The following TEX14 variants were observed in gnomAD, a reference collection of about 807,000 sequenced individuals.
TEX14 encodes the protein inactive serine/threonine-protein kinase TEX14.
A neutral mutation model predicts 178.6 loss-of-function variants in TEX14; 168 were observed. That is an observed-to-expected ratio of 0.94 (90% confidence interval 0.83 to 1.07). The LOEUF is 1.07. Among genes scored for constraint, TEX14 ranks in the 50% least tolerant of loss-of-function variants. The pLI, the probability that TEX14 is intolerant of heterozygous loss-of-function variation, is 0.00. For synonymous variants in TEX14, 626 were observed against 634.1 expected (o/e 0.99, Z 0.19); for missense variants, 1,730 against 1,753.6 (o/e 0.99, Z 0.24).
At chr17:58,633,708 C>T (rs1349202460) in intron 2 of TEX14, among the ~76,000 whole-genome samples, 1 of 152,102 alleles carries the variant, frequency 6.6e-6, no homozygotes, top group African/African-American at 2.4e-5. Flanking sequence ...GTGGCTCACG[C>T]CTGTAATCCC....
chr17:58,600,256 G>C lies in TEX14; in HGVS notation c.1679-590C>G, dbSNP rs889063690. 2.0e-5 allele frequency among the ~76,000 whole-genome samples: 3 copies of C among 152,152 alleles called. No homozygotes were observed. In the South Asian group the frequency reaches 6.2e-4, roughly 32 times the overall value. ...CAGTAGCCTAGGGCCAGGCGTGGTG[G>C]TTCACGCCTGTAATCCCAACACTTT... On this transcript the variant is annotated intron_variant, in intron 13 of 31. Coordinates refer to ENST00000349033, the MANE Select transcript of TEX14 (RefSeq NM_031272.5).
At chr17:58,684,233 G>A (rs2047553190) in intron 1 of TEX14, among the ~76,000 whole-genome samples, 2 of 151,710 alleles carry the variant, frequency 1.3e-5, no homozygotes, top group Admixed American at 6.6e-5. Context: ...AGGCCTTGGC[G>A]GGTGGATCAC....
intron 14 of TEX14, among the ~76,000 whole-genome samples, chr17:58,595,989 C>T (rs1325866041): frequency 6.6e-6 from 1 of 152,140 alleles, no homozygotes; most frequent in African/African-American, 2.4e-5. Flanking sequence ...TTGAGACCAG[C>T]CTGGCCAATA....
At chr17:58,587,847 A>ACC in intron 16 of TEX14, 49 bp downstream of exon 16, 2 of 621,324 alleles carry the variant, frequency 3.2e-6, no homozygotes, top group Non-Finnish European at 5.9e-6. Flanking sequence ...GCCAGAACCC[A>ACC]CCCCCACCCC....
At chr17:58,585,780 G>C in intron 18 of TEX14, 21 bp downstream of exon 18, 1 of 1,612,666 alleles carries the variant, frequency 6.2e-7, no homozygotes, top group Non-Finnish European at 8.5e-7. Flanking sequence ...CACCTATCCT[G>C]ATTCCCGCAA....
chr17:58,579,877 T>C (rs1298049234), intron 19 of TEX14, 146 bp from the exon 20 acceptor site: 2 of 658,726 alleles, frequency 3.0e-6, no homozygotes, highest in Non-Finnish European at 5.2e-6. Flanking sequence ...ACTTGCTTCC[T>C]AGACATTAAG....
rs2045896607 is a variant in TEX14, at chr17:58,617,386, T to G, written c.636+152A>C. On this transcript the variant is annotated intron_variant, in intron 6 of 31. Transcript: ENST00000349033. The stretch of plus-strand genomic sequence containing the variant: ...AAATTTGTTAGTAAGACAGGAACAC[T>G]AAGAGATACCTTTCCCTCAATAGGG... 1.7e-5 allele frequency: 10 copies of G among 573,922 alleles called. No individual in the cohort carries two copies. In the South Asian group the frequency reaches 2.9e-4, roughly 17 times the overall value. 35.6% of individuals were successfully genotyped at this position (573,922 alleles called of 1,614,324 possible).
chr17:58,631,208 T>A, intron 2 of TEX14: 1 of 922,030 alleles, frequency 1.1e-6, no homozygotes, highest in Non-Finnish European at 1.3e-6. Flanking sequence ...ACGCCTGTAA[T>A]GCCAGCTCTT....
chr17:58,629,437 G>A (rs1180274686), intron 3 of TEX14, among the ~76,000 whole-genome samples: 2 of 145,996 alleles, frequency 1.4e-5, no homozygotes, highest in South Asian at 2.2e-4. Context: ...CTGGGCGACA[G>A]AGGCAGACCA....
chr17:58,594,859 C>A (rs529457939), intron 14 of TEX14, among the ~76,000 whole-genome samples: 1 of 152,256 alleles, frequency 6.6e-6, no homozygotes, highest in South Asian at 2.1e-4. Flanking sequence ...CCAATTTTAA[C>A]ATAATTTTAA....
Position 58,569,290 on chromosome 17 carries a change from T to C in TEX14, c.3818-30A>G. 1 of 1,582,950 alleles carries C rather than the reference T, an allele frequency of 6.3e-7. No individual in the cohort carries two copies. Among genetic ancestry groups the C allele is most frequent in the Non-Finnish European group, 8.7e-7 (1 of 1,152,068 alleles). ...TTTTTAAAAAAGACAAAAGGGAAAA[T>C]GTCTTAACACCCTCCTGGACCTGAA... On this transcript the variant is annotated intron_variant, in intron 25 of 31. Coordinates refer to ENST00000349033, the MANE Select transcript of TEX14 (RefSeq NM_031272.5). This position sits in a 1 kb window ranked among gnomAD's most constrained non-coding sequence, Gnocchi z 4.1.
intron 1 of TEX14, among the ~76,000 whole-genome samples, chr17:58,670,589 T>A: frequency 6.6e-6 from 1 of 151,416 alleles, no homozygotes. Context: ...GCCTGGCCAA[T>A]ATGGAGAAAC....
intron 2 of TEX14, among the ~76,000 whole-genome samples, chr17:58,643,205 T>C (rs1849769843): frequency 6.6e-6 from 1 of 152,124 alleles, no homozygotes; most frequent in Admixed American, 6.6e-5. Context: ...CCTCCCCCAA[T>C]AAAGCTGGCC....
At chr17:58,611,840 A>G (rs1180210136) in intron 9 of TEX14, among the ~76,000 whole-genome samples, 4 of 152,196 alleles carry the variant, frequency 2.6e-5, no homozygotes, top group Non-Finnish European at 5.9e-5. Context: ...CTGGCTGACT[A>G]AAGTCTTAAT....
At chr17:58,617,981 T>C (rs773978217) in intron 5 of TEX14, among the ~76,000 whole-genome samples, 2 of 152,200 alleles carry the variant, frequency 1.3e-5, no homozygotes, top group East Asian at 1.9e-4. Flanking sequence ...TATGAGGACA[T>C]TCAAGCAGCC....
intron 30 of TEX14, 130 bp downstream of exon 30, chr17:58,559,323 T>C: frequency 1.8e-6 from 1 of 571,036 alleles, no homozygotes; most frequent in Non-Finnish European, 3.1e-6. Flanking sequence ...TGAGCTGAAC[T>C]GCAGAGAAAA....
chr17:58,622,401 G>A (rs944190774), intron 4 of TEX14, among the ~76,000 whole-genome samples: 5 of 150,600 alleles, frequency 3.3e-5, no homozygotes, highest in African/African-American at 9.8e-5. Flanking sequence ...AGCTGAGCTC[G>A]CGCCACTGCA....
chr17:58,568,547 A>T (rs980973957), intron 26 of TEX14, among the ~76,000 whole-genome samples: 8 of 152,160 alleles, frequency 5.3e-5, no homozygotes. Flanking sequence ...CAGGCTGTCA[A>T]GAAAGGCGCA....
chr17:58,599,148 C>A lies in TEX14; in HGVS notation c.2197G>T (p.Asp733Tyr). Reference protein sequence around the residue: ...EEYLISKCVLDLKIMQTIMHE... With the variant: ...EEYLISKCVLYLKIMQTIMHE... ...ATTATTGTCTGCATAATCTTTAGAT[C>A]CAGCACACACTTACTGATGAGATAC... The change falls in exon 14 of 32, where the codon GAT becomes TAT. Residue 733 changes from aspartate to tyrosine, a missense_variant. Asp to Tyr is a radical substitution (Grantham distance 160). Around this residue, in one of 2 missense-constraint regions of TEX14, gnomAD observed 941 missense variants for 1,072.4 expected, o/e 0.88. Coordinates refer to ENST00000349033, the MANE Select transcript of TEX14 (RefSeq NM_031272.5). 6.2e-7 allele frequency: 1 copy of A among 1,614,140 alleles called. No homozygotes were observed. The highest frequency in any genetic ancestry group is 8.5e-7 in the Non-Finnish European group (1 of 1,180,038).
Sources: allele counts gnomAD v4.1 joint callset (sites outside exome capture counted in the v4.1 genomes callset), GRCh38; gene constraint gnomAD v4.1.1; regional missense constraint gnomAD v4.1.1; non-coding constraint Gnocchi (gnomAD v3.1); transcripts MANE v1.5; gene names NCBI Gene and HGNC (gene_info 2026-07-23, HGNC 2026-07-21).